The following LINGO2 variants were observed in gnomAD, a reference collection of about 807,000 sequenced individuals.
The protein encoded by LINGO2 is leucine-rich repeat and immunoglobulin-like domain-containing nogo receptor-interacting protein 2.
In LINGO2, 14 loss-of-function variants were observed where a neutral mutation model predicts 30.6. That is an observed-to-expected ratio of 0.46 (90% CI 0.30 to 0.72). LINGO2 has a LOEUF of 0.72. LINGO2 is among the 30% of genes least tolerant of loss of function. LINGO2 has a pLI of 0.07. For missense variants in LINGO2, 729 were observed against 751.7 expected (o/e 0.97, Z 0.35); for synonymous variants, 317 against 288.5 (o/e 1.10, Z -1.00).
chr9:28,709,484 T>A, the LINGO2 span, among the ~76,000 whole-genome samples: 7 of 152,052 alleles, frequency 4.6e-5, no homozygotes, highest in Non-Finnish European at 7.4e-5. Flanking sequence ...GGGGAAAATC[T>A]AATATATCTA....
chr9:29,205,642 TA>T, the LINGO2 span, among the ~76,000 whole-genome samples: 1 of 152,214 alleles, frequency 6.6e-6, no homozygotes, highest in African/African-American at 2.4e-5. Flanking sequence ...CCCTAAATAT[TA>T]GGAAGATTTT....
At chr9:28,602,200 G>A (rs1335542481) in intron 1 of LINGO2, among the ~76,000 whole-genome samples, 1 of 152,060 alleles carries the variant, frequency 6.6e-6, no homozygotes, top group Admixed American at 6.6e-5. Context: ...TTAAGGCAAG[G>A]AATATGGGCT....
chr9:28,358,627 G>A (rs1220676213), intron 3 of LINGO2, among the ~76,000 whole-genome samples: 2 of 152,126 alleles, frequency 1.3e-5, no homozygotes, highest in Non-Finnish European at 2.9e-5. Context: ...ATGGGCTACA[G>A]GCAGAAAATG....
the LINGO2 span, among the ~76,000 whole-genome samples, chr9:29,094,746 T>C: frequency 1.4e-5 from 2 of 139,136 alleles, no homozygotes; most frequent in Non-Finnish European, 3.1e-5. Flanking sequence ...ATTTTGGATA[T>C]GCTAGATCAA....
chr9:28,996,341 T>G, the LINGO2 span, among the ~76,000 whole-genome samples: 1 of 152,040 alleles, frequency 6.6e-6, no homozygotes, highest in South Asian at 2.1e-4. Flanking sequence ...TGTTAAACAG[T>G]AGAGAATGTT....
At chr9:28,870,922 T>A in the LINGO2 span, among the ~76,000 whole-genome samples, 1 of 152,010 alleles carries the variant, frequency 6.6e-6, no homozygotes, top group Admixed American at 6.6e-5. Context: ...AATAGAAATT[T>A]TGTTTCATTA....
chr9:28,307,418 T>C (rs751936171), intron 3 of LINGO2, among the ~76,000 whole-genome samples: 1 of 152,138 alleles, frequency 6.6e-6, no homozygotes, highest in Non-Finnish European at 1.5e-5. Context: ...TAGGTATTGA[T>C]GGGACGTATC....
chr9:28,584,898 C>T (rs1212529151), intron 1 of LINGO2, among the ~76,000 whole-genome samples: 1 of 148,996 alleles, frequency 6.7e-6, no homozygotes, highest in South Asian at 2.1e-4. Flanking sequence ...AGTTGTGTTG[C>T]AATGTAAATG....
At chr9:28,445,759 T>G (rs532398057) in intron 2 of LINGO2, among the ~76,000 whole-genome samples, 3 of 152,286 alleles carry the variant, frequency 2.0e-5, no homozygotes, top group East Asian at 1.9e-4. Context: ...TGCACCTGAT[T>G]CTGCCTGGTG....
At chr9:29,098,312 T>C in the LINGO2 span, among the ~76,000 whole-genome samples, 1 of 152,128 alleles carries the variant, frequency 6.6e-6, no homozygotes, top group Admixed American at 6.6e-5. Flanking sequence ...ACACTTTAAT[T>C]ATTTAACAAA....
intron 1 of LINGO2, among the ~76,000 whole-genome samples, chr9:28,493,085 C>T (rs1289662581): frequency 6.6e-6 from 1 of 151,986 alleles, no homozygotes; most frequent in East Asian, 1.9e-4. Flanking sequence ...AACAAGTATC[C>T]CCTGTCATCC....
chr9:28,487,585 G>T lies in LINGO2; in HGVS notation c.-364-11560C>A, dbSNP rs569782538. On this transcript the variant is annotated intron_variant, in intron 1 of 5. Transcript: ENST00000379992. ...TTCTCAACTCACATGAAATGTGTTG[G>T]AAATGTCAAATTTCCCAATGAAAGG... 1.7e-4 allele frequency among the ~76,000 whole-genome samples: 26 copies of T among 152,182 alleles called. 1 individual carries two copies. The South Asian group carries it at 5.4e-3, about 32-fold the overall frequency.
the LINGO2 span, among the ~76,000 whole-genome samples, chr9:28,768,613 G>GACAC: frequency 0.16 from 22,965 of 144,306 alleles, 2,262 homozygotes; most frequent in Admixed American, 0.24. Flanking sequence ...GACAGACTGG[G>GACAC]ACACACACAC....
chr9:28,119,733 G>A (rs1320978510), intron 4 of LINGO2, among the ~76,000 whole-genome samples: 1 of 152,116 alleles, frequency 6.6e-6, no homozygotes, highest in East Asian at 1.9e-4. Flanking sequence ...ATATTACAGA[G>A]GGCTTGGTTA....
At chr9:29,081,350 A>T in the LINGO2 span, among the ~76,000 whole-genome samples, 1 of 152,178 alleles carries the variant, frequency 6.6e-6, no homozygotes, top group Non-Finnish European at 1.5e-5. Context: ...ATCTCCATAG[A>T]TGCAGAAAAG....
At chr9:27,992,419 TG>T (rs553646512) in intron 5 of LINGO2, among the ~76,000 whole-genome samples, 196 of 152,238 alleles carry the variant, frequency 1.3e-3, no homozygotes, top group African/African-American at 4.3e-3. Context: ...ATTGAGTCTA[TG>T]TGCCATATTT....
At chr9:28,932,027 G>A in the LINGO2 span, among the ~76,000 whole-genome samples, 1 of 151,662 alleles carries the variant, frequency 6.6e-6, no homozygotes, top group Non-Finnish European at 1.5e-5. Context: ...AAAATCGCCT[G>A]AACCGGGAGG....
At chr9:28,356,922 G>C (rs1820230880) in intron 3 of LINGO2, among the ~76,000 whole-genome samples, 1 of 79,848 alleles carries the variant, frequency 1.3e-5, no homozygotes, top group Non-Finnish European at 2.4e-5. Flanking sequence ...TATGGGGTAG[G>C]GGTAAAAACG....
chr9:28,066,222 A>G (rs1490749959), intron 4 of LINGO2, among the ~76,000 whole-genome samples: 2 of 152,014 alleles, frequency 1.3e-5, no homozygotes, highest in Non-Finnish European at 2.9e-5. Flanking sequence ...CATGATTTTG[A>G]TTGTCACATC....
Sources: gnomAD v4.1 joint callset for allele counts (sites outside exome capture counted in the v4.1 genomes callset) on GRCh38, gnomAD v4.1.1 for gene constraint, MANE v1.5 for transcripts, NCBI Gene and HGNC (gene_info 2026-07-23, HGNC 2026-07-21) for gene names.